SPECC1: variants seen among roughly 807,000 people sequenced by gnomAD.
The protein encoded by SPECC1 is cytospin-B.
A neutral mutation model predicts 104.1 loss-of-function variants in SPECC1; 62 were observed. The observed-to-expected ratio is 0.60, with a 90% confidence interval of 0.49 to 0.74. The LOEUF (loss-of-function observed/expected upper bound fraction) is 0.74. Ranked by LOEUF, SPECC1 falls within the 30% of genes least tolerant of loss-of-function variation. The probability of loss-of-function intolerance (pLI) is 0.00; values close to 1 mark genes in which losing one functional copy is unlikely to be tolerated. For missense variants in SPECC1, 1,306 were observed against 1,310.5 expected (o/e 1.00, Z 0.05); for synonymous variants, 513 against 501.6 (o/e 1.02, Z -0.30).
chr17:20,124,289 G>A (rs1259378528), intron 3 of SPECC1, among the ~76,000 whole-genome samples: 2 of 152,202 alleles, frequency 1.3e-5, no homozygotes, highest in Non-Finnish European at 1.5e-5. Flanking sequence ...GAGGTACAGC[G>A]AGACCTTCAG....
At chr17:20,116,271 G>T (rs1376057490) in intron 3 of SPECC1, among the ~76,000 whole-genome samples, 3 of 151,894 alleles carry the variant, frequency 2.0e-5, no homozygotes, top group African/African-American at 7.3e-5. Flanking sequence ...TGTATTTTTA[G>T]TAGAGATGGG....
At chr17:20,137,144 G>A (rs559889411) in intron 3 of SPECC1, among the ~76,000 whole-genome samples, 4 of 152,320 alleles carry the variant, frequency 2.6e-5, no homozygotes, top group African/African-American at 7.2e-5. Context: ...GGCCATGGCC[G>A]TGTGCCCTAT....
chr17:20,065,394 C>CCTT (rs71357413), intron 1 of SPECC1, among the ~76,000 whole-genome samples: 81,374 of 151,710 alleles, frequency 0.54, 22,298 homozygotes, highest in Middle Eastern at 0.62. Flanking sequence ...TCCCATGACT[C>CCTT]CTCTGGGTTC....
chr17:20,108,374 C>G (rs891053471), intron 2 of SPECC1, among the ~76,000 whole-genome samples: 2 of 152,114 alleles, frequency 1.3e-5, no homozygotes, highest in African/African-American at 4.8e-5. Flanking sequence ...ATAAAGTACA[C>G]TAATCTTAAT....
chr17:20,284,588 T>C (rs911777960), intron 12 of SPECC1, among the ~76,000 whole-genome samples: 5 of 152,256 alleles, frequency 3.3e-5, no homozygotes, highest in East Asian at 1.9e-4. Context: ...TGAAATGTTA[T>C]GTGTGCATTT....
At chr17:20,220,707 G>T (rs2037821474) in intron 4 of SPECC1, among the ~76,000 whole-genome samples, 1 of 151,946 alleles carries the variant, frequency 6.6e-6, no homozygotes, top group Admixed American at 6.6e-5. Flanking sequence ...GGGACTTCCA[G>T]TACTGTGTGT....
intron 3 of SPECC1, among the ~76,000 whole-genome samples, chr17:20,143,250 G>A (rs370749775): frequency 2.0e-5 from 3 of 151,940 alleles, no homozygotes; most frequent in East Asian, 3.9e-4. Context: ...GCCAACCGTG[G>A]TGGTACGTGC....
At chr17:20,156,131 C>T in intron 3 of SPECC1, 2 of 1,387,214 alleles carry the variant, frequency 1.4e-6, no homozygotes, top group Non-Finnish European at 1.9e-6. Context: ...GGAGCCAGCG[C>T]GAGCTCGGCA....
chr17:20,264,414 C>A (rs549851991), intron 12 of SPECC1, among the ~76,000 whole-genome samples: 3 of 150,030 alleles, frequency 2.0e-5, no homozygotes, highest in African/African-American at 7.4e-5. Flanking sequence ...TAGTAGTCCC[C>A]AGTATCTATT....
intron 7 of SPECC1, among the ~76,000 whole-genome samples, chr17:20,236,470 T>G (rs1016152566): frequency 6.6e-6 from 1 of 152,170 alleles, no homozygotes; most frequent in Non-Finnish European, 1.5e-5. Context: ...CTTAGGCCTT[T>G]AGGATTTTTA....
At position 20,253,547 on chromosome 17, in the gene SPECC1, G is replaced by A. The variant is rs141019225; in HGVS notation, c.2641G>A (p.Val881Met). The A allele has an allele frequency of 1.0e-3, 1,618 of 1,614,044 alleles. 3 individuals carry two copies. The highest frequency in any genetic ancestry group is 1.7e-3 in the Middle Eastern group (10 of 5,966). Reference sequence around the variant, plus strand: ...CAGTGTGCGGCCAGCCAGCAGAGGGGTGACTCAACGCTTGGACCTTCCTGA... The same window carrying A: ...CAGTGTGCGGCCAGCCAGCAGAGGGATGACTCAACGCTTGGACCTTCCTGA... ...YSSVRPASRGVTQRLDLPDLP... is the reference protein window; with the variant it reads ...YSSVRPASRGMTQRLDLPDLP... Residue 881 changes from valine to methionine, a missense_variant, in exon 10 of 15, where the codon GTG becomes ATG. Around this residue, in one of 2 missense-constraint regions of SPECC1, gnomAD observed 1,177 missense variants for 1,139.9 expected, o/e 1.03. Transcript: ENST00000395527.
At chr17:20,241,600 A>G (rs1272110633) in intron 7 of SPECC1, among the ~76,000 whole-genome samples, 7 of 152,336 alleles carry the variant, frequency 4.6e-5, no homozygotes, top group East Asian at 3.9e-4. Flanking sequence ...AGCCACGTCA[A>G]TGATACTCGA....
intron 7 of SPECC1, chr17:20,236,898 A>G (rs1279439086): frequency 3.1e-6 from 5 of 1,613,684 alleles, no homozygotes; most frequent in East Asian, 2.2e-5. Context: ...ATTTGGTGGA[A>G]GAAAGACAGC....
intron 7 of SPECC1, among the ~76,000 whole-genome samples, chr17:20,232,828 T>C (rs531942032): frequency 1.3e-4 from 20 of 152,200 alleles, no homozygotes; most frequent in Non-Finnish European, 2.2e-4. Flanking sequence ...GAAGGACACA[T>C]TCCTCTGGGC....
rs753647715 is a variant in SPECC1 at position 20,110,474 on chromosome 17, C to T, written c.195C>T (p.Thr65=). The T allele has an allele frequency of 1.5e-5, 25 of 1,613,884 alleles. 1 individual carries two copies. The highest frequency in any genetic ancestry group is 6.6e-5 in the South Asian group (6 of 91,066). ...SEDTLNKPGS[T]AASGVVRLKK... ...ACACGCTCAACAAGCCAGGAAGTAC[C>T]GCTGCATCGGGGGTGGTTCGCCTGA... Residue 65 remains threonine (T), a synonymous_variant, in exon 3 of 15, where the codon ACC becomes ACT. Transcript: ENST00000395527.
At position 20,196,169 on chromosome 17, in the gene SPECC1, T is replaced by G. The variant is rs562237508; in HGVS notation, c.284-8164T>G. On this transcript the variant is annotated intron_variant, in intron 3 of 14. Coordinates refer to ENST00000395527, the MANE Select transcript of SPECC1 (RefSeq NM_001243439.2). ...GGCAAAAAACCCATATTCCCATGCC[T>G]TCTTATAATCTTTTACCAAAAATAT... is the stretch of plus-strand genomic sequence containing the variant. 8.5e-5 allele frequency among the ~76,000 whole-genome samples: 13 copies of G among 152,388 alleles called. No homozygotes were observed. In the South Asian group the frequency reaches 2.7e-3, roughly 32 times the overall value.
intron 3 of SPECC1, among the ~76,000 whole-genome samples, chr17:20,117,257 A>G (rs531195093): frequency 7.8e-4 from 119 of 152,264 alleles, no homozygotes; most frequent in African/African-American, 2.7e-3. Flanking sequence ...AGGATTAAAG[A>G]TTTAAATATT....
At chr17:20,237,562 C>G (rs1598059427) in intron 7 of SPECC1, 2 of 193,540 alleles carry the variant, frequency 1.0e-5, no homozygotes, top group East Asian at 1.6e-4. Context: ...TGATCCCCAC[C>G]TCAGCCTCCC....
At chr17:20,312,772 C>G (rs2142246331) in intron 14 of SPECC1, among the ~76,000 whole-genome samples, 1 of 152,306 alleles carries the variant, frequency 6.6e-6, no homozygotes, top group South Asian at 2.1e-4. Flanking sequence ...ACGGAATGTT[C>G]TACCAACTCT....
Sources: gnomAD v4.1 joint callset for allele counts (sites outside exome capture counted in the v4.1 genomes callset) on GRCh38, gnomAD v4.1.1 for gene constraint, gnomAD v4.1.1 regional missense constraint, MANE v1.5 for transcripts, NCBI Gene and HGNC (gene_info 2026-07-23, HGNC 2026-07-21) for gene names.